LRFN5: variants seen among roughly 807,000 people sequenced by gnomAD.
The protein encoded by LRFN5 is leucine rich repeat and fibronectin type III domain containing 5.
In LRFN5, 24 loss-of-function variants were observed where a neutral mutation model predicts 45.6. The ratio of observed to expected loss-of-function variants is 0.53; its 90% CI spans 0.38 to 0.74. The LOEUF (loss-of-function observed/expected upper bound fraction) is 0.74, where lower values mean the gene tolerates loss of function less well. Among genes scored for constraint, LRFN5 ranks in the 30% least tolerant of loss-of-function variants. The pLI is 0.00. For synonymous variants in LRFN5, 340 were observed against 313.8 expected (o/e 1.08, Z -0.88); for missense variants, 776 against 861.5 (o/e 0.90, Z 1.24).
chr14:41,883,854 T>G (rs1362465753), intron 2 of LRFN5, among the ~76,000 whole-genome samples: 3 of 152,220 alleles, frequency 2.0e-5, no homozygotes, highest in African/African-American at 7.2e-5. Flanking sequence ...TTGTTTGCTT[T>G]TAGTTCTTTA....
At chr14:41,633,364 A>G (rs896622419) in intron 1 of LRFN5, among the ~76,000 whole-genome samples, 3 of 152,276 alleles carry the variant, frequency 2.0e-5, no homozygotes, top group African/African-American at 7.2e-5. Context: ...TGATTTTAGA[A>G]CTTTGTAGAT....
intron 1 of LRFN5, among the ~76,000 whole-genome samples, chr14:41,752,814 T>C (rs369132696): frequency 1.3e-5 from 2 of 152,056 alleles, no homozygotes; most frequent in Non-Finnish European, 2.9e-5. Flanking sequence ...CATTGCTTTT[T>C]GTGTTTTAGA....
intron 1 of LRFN5, among the ~76,000 whole-genome samples, chr14:41,660,173 C>T (rs1449677882): frequency 2.0e-4 from 30 of 151,962 alleles, no homozygotes; most frequent in Admixed American, 2.0e-3. Flanking sequence ...TTACAGGCAC[C>T]TACCACCATG....
At chr14:41,867,796 C>T (rs1192842929) in intron 2 of LRFN5, among the ~76,000 whole-genome samples, 1 of 152,034 alleles carries the variant, frequency 6.6e-6, no homozygotes, top group Non-Finnish European at 1.5e-5. Flanking sequence ...CACCTTTTCT[C>T]ACTTCCTTGC....
At chr14:41,729,362 A>C (rs1884072547) in intron 1 of LRFN5, among the ~76,000 whole-genome samples, 1 of 152,082 alleles carries the variant, frequency 6.6e-6, no homozygotes, top group African/African-American at 2.4e-5. Context: ...ACCTTCCATC[A>C]TGACTATAAG....
At position 41,887,737 on chromosome 14, in the gene LRFN5, A is replaced by G; in HGVS notation, c.1112A>G (p.Asp371Gly). 1 of 1,614,010 alleles carries G rather than the reference A, an allele frequency of 6.2e-7. No individual in the cohort carries two copies. Among genetic ancestry groups the G allele is most frequent in the Non-Finnish European group, 8.5e-7 (1 of 1,180,028 alleles). ...NPAGEATQIV[D>G]LHIIKLPHLL... is the part of the protein sequence containing the mutation. ...GCTGGGGAAGCAACACAAATAGTGG[A>G]TCTTCATATAATTAAGCTCCCTCAC... is the stretch of plus-strand genomic sequence containing the variant. Residue 371 changes from aspartate to glycine, a missense_variant, in exon 3 of 6, where the codon GAT becomes GGT. Transcript: ENST00000298119. This position sits in a 1 kb window ranked among gnomAD's most constrained non-coding sequence, Gnocchi z 4.8.
chr14:41,841,493 G>A (rs1888858402), intron 2 of LRFN5, among the ~76,000 whole-genome samples: 1 of 151,818 alleles, frequency 6.6e-6, no homozygotes, highest in Non-Finnish European at 1.5e-5. Flanking sequence ...TTTTGTGTCT[G>A]GTTTCTTCTA....
chr14:41,613,551 A>G (rs1010244177), intron 1 of LRFN5, among the ~76,000 whole-genome samples: 1 of 152,030 alleles, frequency 6.6e-6, no homozygotes, highest in African/African-American at 2.4e-5. Context: ...TTCCCAACAA[A>G]TATTTCGAAA....
At chr14:41,646,577 A>G (rs1327973105) in intron 1 of LRFN5, among the ~76,000 whole-genome samples, 1 of 152,194 alleles carries the variant, frequency 6.6e-6, no homozygotes, top group Non-Finnish European at 1.5e-5. Flanking sequence ...TTTAGCCTTG[A>G]GAAGATAATA....
intron 2 of LRFN5, among the ~76,000 whole-genome samples, chr14:41,822,444 T>A (rs1888146229): frequency 6.6e-6 from 1 of 152,046 alleles, no homozygotes; most frequent in Non-Finnish European, 1.5e-5. Context: ...TTTCTAAGTG[T>A]TTTTGTAGTT....
chr14:41,607,072 G>A lies in LRFN5; in HGVS notation c.-1687G>A, dbSNP rs752988219. On this transcript the variant is annotated 5_prime_UTR_variant, in exon 1 of 6. Transcript: ENST00000298119. ...CAGCGCGGTGGCCAGCGGGCGGGGCGCTGTGTTCCGCGGCGCGCAGGGAGG... is the reference window on the plus strand; with the variant it reads ...CAGCGCGGTGGCCAGCGGGCGGGGCACTGTGTTCCGCGGCGCGCAGGGAGG... Among the ~76,000 whole-genome samples the A allele has an allele frequency of 6.6e-5, 10 of 152,162 alleles. No homozygotes were observed. Among genetic ancestry groups the A allele is most frequent in the Admixed American group, 5.2e-4 (8 of 15,288 alleles).
At chr14:41,721,905 G>A (rs1489013050) in intron 1 of LRFN5, among the ~76,000 whole-genome samples, 1 of 151,968 alleles carries the variant, frequency 6.6e-6, no homozygotes, top group African/African-American at 2.4e-5. Flanking sequence ...GTATCTGGAT[G>A]TTTACCTCTT....
intron 1 of LRFN5, among the ~76,000 whole-genome samples, chr14:41,763,744 A>G (rs969644917): frequency 2.6e-5 from 4 of 152,156 alleles, no homozygotes; most frequent in Non-Finnish European, 5.9e-5. Flanking sequence ...ATCCTCTGAC[A>G]TGATTGTGAG....
At chr14:41,697,656 C>CTT (rs202245507) in intron 1 of LRFN5, among the ~76,000 whole-genome samples, 2 of 140,110 alleles carry the variant, frequency 1.4e-5, no homozygotes, top group Non-Finnish European at 1.6e-5. Flanking sequence ...CTTCACTGCT[C>CTT]TTTTTTTTTT....
chr14:41,710,791 C>T (rs1476726615), intron 1 of LRFN5, among the ~76,000 whole-genome samples: 1 of 151,850 alleles, frequency 6.6e-6, no homozygotes, highest in Non-Finnish European at 1.5e-5. Context: ...CACGACAGGC[C>T]CCGGTGTGTG....
chr14:41,900,840 G>A (rs1258434287), intron 5 of LRFN5, among the ~76,000 whole-genome samples: 2 of 152,080 alleles, frequency 1.3e-5, no homozygotes, highest in East Asian at 3.9e-4. Context: ...TGACCTGTGT[G>A]TTCTTAGCTT....
intron 1 of LRFN5, among the ~76,000 whole-genome samples, chr14:41,651,692 G>A (rs1194136949): frequency 2.6e-5 from 4 of 152,118 alleles, no homozygotes; most frequent in African/African-American, 9.7e-5. Flanking sequence ...GTGTAACTGA[G>A]CCACAAATTT....
intron 2 of LRFN5, among the ~76,000 whole-genome samples, chr14:41,792,621 C>T (rs1012740700): frequency 7.2e-5 from 11 of 151,988 alleles, no homozygotes; most frequent in Non-Finnish European, 1.2e-4. Context: ...TGTTTATATG[C>T]TCTCTGCAAG....
At chr14:41,769,150 T>C (rs1885991880) in intron 2 of LRFN5, among the ~76,000 whole-genome samples, 1 of 151,324 alleles carries the variant, frequency 6.6e-6, no homozygotes, top group South Asian at 2.1e-4. Flanking sequence ...TCATTGAAAA[T>C]TCATAGGACA....
Sources: gnomAD v4.1 joint callset for allele counts (sites outside exome capture counted in the v4.1 genomes callset) on GRCh38, gnomAD v4.1.1 for gene constraint, Gnocchi (gnomAD v3.1) non-coding constraint, MANE v1.5 for transcripts, NCBI Gene and HGNC (gene_info 2026-07-23, HGNC 2026-07-21) for gene names.